The following ADGRB3 variants were observed in gnomAD, a reference collection of about 807,000 sequenced individuals.
The protein encoded by ADGRB3 is brain-specific angiogenesis inhibitor 3.
A neutral mutation model predicts 193.4 loss-of-function variants in ADGRB3; 37 were observed. The ratio of observed to expected loss-of-function variants is 0.19; its 90% CI spans 0.15 to 0.25. The LOEUF (loss-of-function observed/expected upper bound fraction) is 0.25. Among genes scored for constraint, ADGRB3 ranks in the 10% least tolerant of loss-of-function variants. The pLI, the probability that ADGRB3 is intolerant of heterozygous loss-of-function variation, is 1.00. For synonymous variants in ADGRB3, 690 were observed against 644.2 expected, an observed-to-expected ratio of 1.07 and a Z score of -1.08; for missense variants, 1,637 against 1,852.9, an observed-to-expected ratio of 0.88 and a Z score of 2.14.
intron 20 of ADGRB3, among the ~76,000 whole-genome samples, chr6:69,262,436 C>T (rs987654652): frequency 6.6e-6 from 1 of 151,856 alleles, no homozygotes; most frequent in Admixed American, 6.6e-5. Flanking sequence ...ACAATTCCTT[C>T]CTTACTAACA....
intron 17 of ADGRB3, among the ~76,000 whole-genome samples, chr6:69,164,167 A>G (rs1775070873): frequency 6.6e-6 from 1 of 152,030 alleles, no homozygotes; most frequent in Non-Finnish European, 1.5e-5. Context: ...CTACTTGTCT[A>G]CATGTATATT....
At chr6:68,857,322 C>G (rs191301977) in intron 3 of ADGRB3, among the ~76,000 whole-genome samples, 6 of 152,300 alleles carry the variant, frequency 3.9e-5, no homozygotes, top group African/African-American at 4.8e-5. Context: ...CCTGAAAAAG[C>G]TGCAGACACT....
At chr6:68,875,652 G>T (rs1269206946) in intron 3 of ADGRB3, among the ~76,000 whole-genome samples, 1 of 151,968 alleles carries the variant, frequency 6.6e-6, no homozygotes, top group Non-Finnish European at 1.5e-5. Flanking sequence ...AAGGAAATGA[G>T]AACGGTAACC....
intron 3 of ADGRB3, among the ~76,000 whole-genome samples, chr6:68,736,864 C>T (rs1278882288): frequency 6.6e-6 from 1 of 151,986 alleles, no homozygotes; most frequent in Non-Finnish European, 1.5e-5. Context: ...CTATTAGTCA[C>T]TACTAATAGT....
At chr6:69,020,351 G>A (rs148159805) in intron 13 of ADGRB3, among the ~76,000 whole-genome samples, 19 of 152,040 alleles carry the variant, frequency 1.2e-4, no homozygotes, top group Middle Eastern at 3.4e-3. Flanking sequence ...GAATCACAGC[G>A]TATCACATTC....
At chr6:68,669,423 CT>C (rs61141497) in intron 3 of ADGRB3, among the ~76,000 whole-genome samples, 8,658 of 151,822 alleles carry the variant, frequency 0.057, 791 homozygotes, top group African/African-American at 0.2. Flanking sequence ...GGTAACCATC[CT>C]TTTACTCTCT....
intron 17 of ADGRB3, among the ~76,000 whole-genome samples, chr6:69,130,486 G>T (rs996684030): frequency 2.7e-5 from 4 of 150,352 alleles, no homozygotes; most frequent in African/African-American, 9.8e-5. Flanking sequence ...CCAAGAAAGA[G>T]GAGGATGCTA....
rs565290220 is a variant in ADGRB3 at position 68,663,465 on chromosome 6, T to C, written c.757+24033T>C. Among the ~76,000 whole-genome samples, 8 of 151,842 alleles carry C rather than the reference T, an allele frequency of 5.3e-5. 1 individual carries two copies. The South Asian group carries it at 1.5e-3, about 28-fold the overall frequency. ...ACTTGAGATTAATAGGATAAAAATA[T>C]ACATTTGAATTTATGCAACCAATTT... On this transcript the variant is annotated intron_variant, in intron 3 of 31. Coordinates refer to ENST00000370598, the MANE Select transcript of ADGRB3 (RefSeq NM_001704.3).
At chr6:68,872,027 GT>G (rs1233950289) in intron 3 of ADGRB3, among the ~76,000 whole-genome samples, 1 of 136,838 alleles carries the variant, frequency 7.3e-6, no homozygotes, top group African/African-American at 2.5e-5. Context: ...CTGTCTTACG[GT>G]TTTTGTGATT....
chr6:68,709,678 T>A (rs1765378782), intron 3 of ADGRB3, among the ~76,000 whole-genome samples: 1 of 152,206 alleles, frequency 6.6e-6, no homozygotes, highest in Admixed American at 6.5e-5. Flanking sequence ...TAGTGTCATT[T>A]TTTTCTCTGG....
In ADGRB3 at chr6:69,387,397, CATAATTA is replaced by C. The variant is rs1488745515; in HGVS notation, c.4381-1303_4381-1297del. On this transcript the variant is annotated intron_variant, in intron 31 of 31. Transcript: ENST00000370598. ...GAGACTTTAGAATATTTGACTAAAGCATAATTAATTAATTCCCTCCACACATCCTAAA... is the reference window on the plus strand; with the variant it reads ...GAGACTTTAGAATATTTGACTAAAGCATTAATTCCCTCCACACATCCTAAA... 3.9e-5 allele frequency among the ~76,000 whole-genome samples: 6 copies of C among 152,222 alleles called. No homozygotes were observed. In the South Asian group the frequency reaches 1.2e-3, roughly 32 times the overall value.
In ADGRB3 at chr6:69,286,437, C is replaced by T. The variant is rs573811723; in HGVS notation, c.2815-38435C>T. On this transcript the variant is annotated intron_variant, in intron 20 of 31. Transcript: ENST00000370598. ...TCTGACAGCAGTGTGAGAACCCCAA[C>T]TTAGAAAGAAGATGCTATTTACTTG... Among the ~76,000 whole-genome samples the T allele has an allele frequency of 2.6e-5, 4 of 152,272 alleles. No individual in the cohort carries two copies. The East Asian group carries it at 7.7e-4, about 29-fold the overall frequency.
At chr6:69,355,725 G>C in intron 27 of ADGRB3, 96 bp from the exon 28 acceptor site, 1 of 997,472 alleles carries the variant, frequency 1.0e-6, no homozygotes, top group Non-Finnish European at 1.5e-6. Flanking sequence ...GTACTGCCAA[G>C]TTAGATATCT....
intron 17 of ADGRB3, among the ~76,000 whole-genome samples, chr6:69,168,240 G>A (rs1018101330): frequency 3.3e-5 from 5 of 152,060 alleles, no homozygotes; most frequent in African/African-American, 7.2e-5. Flanking sequence ...CCAAGTAGGC[G>A]AGAACAGGGA....
intron 3 of ADGRB3, among the ~76,000 whole-genome samples, chr6:68,826,085 A>G (rs1767838864): frequency 6.6e-6 from 1 of 152,050 alleles, no homozygotes; most frequent in African/African-American, 2.4e-5. Flanking sequence ...ACTAGGTGTC[A>G]GACATGATTC....
At position 69,073,529 on chromosome 6, in the gene ADGRB3, G is replaced by A. The variant is rs185443613; in HGVS notation, c.2437-2466G>A. ...GGATGAAAATGAAACAGGGGCCCTC[G>A]GCAAAGCCAGAGTCCTGCTAGCTGG... On this transcript the variant is annotated intron_variant, in intron 16 of 31. Transcript: ENST00000370598. Among the ~76,000 whole-genome samples the A allele has an allele frequency of 1.9e-3, 284 of 152,244 alleles. 1 individual carries two copies. The highest frequency in any genetic ancestry group is 0.017 in the South Asian group (80 of 4,828).
chr6:68,681,857 A>G (rs1764902978), intron 3 of ADGRB3, among the ~76,000 whole-genome samples: 2 of 152,346 alleles, frequency 1.3e-5, no homozygotes, highest in South Asian at 4.1e-4. Context: ...AACTTAACCT[A>G]GGAACCTGTG....
intron 10 of ADGRB3, among the ~76,000 whole-genome samples, chr6:68,987,009 G>C (rs540244523): frequency 6.6e-6 from 1 of 152,038 alleles, no homozygotes; most frequent in Non-Finnish European, 1.5e-5. Flanking sequence ...CCAGAACTCT[G>C]AAGAGCAACT....
chr6:69,035,077 A>C (rs940705529), intron 13 of ADGRB3, among the ~76,000 whole-genome samples: 1 of 152,078 alleles, frequency 6.6e-6, no homozygotes, highest in Non-Finnish European at 1.5e-5. Flanking sequence ...TTATAATTCC[A>C]ATGATAAACT....
Sources: allele counts gnomAD v4.1 joint callset (sites outside exome capture counted in the v4.1 genomes callset), GRCh38; gene constraint gnomAD v4.1.1; transcripts MANE v1.5; gene names NCBI Gene and HGNC (gene_info 2026-07-23, HGNC 2026-07-21).